Variants in FUT9 observed in about 807,000 individuals in gnomAD.
The protein encoded by FUT9 is fucosyltransferase 9.
A neutral mutation model predicts 29.7 loss-of-function variants in FUT9; 15 were observed. The ratio of observed to expected loss-of-function variants is 0.51; its 90% CI spans 0.34 to 0.78. The LOEUF is 0.78. Ranked by LOEUF, FUT9 falls within the 30% of genes least tolerant of loss-of-function variation. The pLI, the probability that FUT9 is intolerant of heterozygous loss-of-function variation, is 0.01. For synonymous variants in FUT9, 169 were observed against 153.7 expected, an observed-to-expected ratio of 1.10 and a Z score of -0.74; for missense variants, 319 against 425.4, an observed-to-expected ratio of 0.75 and a Z score of 2.20.
At chr6:96,170,435 TAA>T (rs1773090390) in intron 2 of FUT9, among the ~76,000 whole-genome samples, 1 of 152,136 alleles carries the variant, frequency 6.6e-6, no homozygotes, top group African/African-American at 2.4e-5. Context: ...CCCATATTAA[TAA>T]GTTAGGATTA....
At chr6:96,171,840 T>A (rs2127983223) in intron 2 of FUT9, among the ~76,000 whole-genome samples, 1 of 152,250 alleles carries the variant, frequency 6.6e-6, no homozygotes, top group Non-Finnish European at 1.5e-5. Context: ...TCAAGTGTCC[T>A]GAAACACCAT....
chr6:96,071,401 G>T (rs147890316), intron 1 of FUT9, among the ~76,000 whole-genome samples: 445 of 152,238 alleles, frequency 2.9e-3, no homozygotes, highest in African/African-American at 9.1e-3. Flanking sequence ...TGAAAAATAT[G>T]ATGCAAAAAT....
At chr6:96,178,833 C>G (rs1582288558) in intron 2 of FUT9, among the ~76,000 whole-genome samples, 2 of 152,088 alleles carry the variant, frequency 1.3e-5, no homozygotes, top group Admixed American at 1.3e-4. Flanking sequence ...CTTCCCATCT[C>G]CCTTTTGCAC....
chr6:96,062,534 G>A (rs889409943), intron 1 of FUT9, among the ~76,000 whole-genome samples: 2 of 151,802 alleles, frequency 1.3e-5, no homozygotes, highest in Non-Finnish European at 2.9e-5. Context: ...CTAATATTAT[G>A]TTTTTTTCCC....
intron 1 of FUT9, among the ~76,000 whole-genome samples, chr6:96,082,877 C>T (rs1230187307): frequency 6.6e-6 from 1 of 151,840 alleles, no homozygotes; most frequent in African/African-American, 2.4e-5. Flanking sequence ...ATTGGGTTTA[C>T]CTACTTATTT....
At chr6:96,094,853 G>T (rs1349435450) in intron 1 of FUT9, among the ~76,000 whole-genome samples, 1 of 151,908 alleles carries the variant, frequency 6.6e-6, no homozygotes, top group Admixed American at 6.6e-5. Flanking sequence ...CATTGTTGTT[G>T]TTATTTCAAT....
chr6:96,043,389 T>G (rs559198007), intron 1 of FUT9, among the ~76,000 whole-genome samples: 18 of 152,338 alleles, frequency 1.2e-4, no homozygotes, highest in African/African-American at 4.1e-4. Flanking sequence ...TTATACATTA[T>G]TTGATGTCAA....
At chr6:96,143,543 C>T (rs1772505225) in intron 2 of FUT9, among the ~76,000 whole-genome samples, 1 of 151,590 alleles carries the variant, frequency 6.6e-6, no homozygotes, top group African/African-American at 2.4e-5. Flanking sequence ...CTCTCCTTTC[C>T]TCCCATCCCC....
chr6:96,195,342 T>G (rs1446647224), intron 2 of FUT9, among the ~76,000 whole-genome samples: 2 of 152,162 alleles, frequency 1.3e-5, no homozygotes, highest in Non-Finnish European at 2.9e-5. Flanking sequence ...TGGTGGCAAC[T>G]TCCTCAGGGC....
intron 2 of FUT9, among the ~76,000 whole-genome samples, chr6:96,139,035 A>T (rs1454290380): frequency 1.3e-5 from 2 of 152,230 alleles, no homozygotes; most frequent in African/African-American, 2.4e-5. Flanking sequence ...ATAGAAATTA[A>T]CATTACAGGT....
intron 1 of FUT9, among the ~76,000 whole-genome samples, chr6:96,073,473 A>G (rs1221213765): frequency 2.0e-5 from 3 of 152,056 alleles, no homozygotes; most frequent in African/African-American, 7.2e-5. Flanking sequence ...AAAGCATTGA[A>G]AAGATAAAGG....
chr6:96,035,632 T>C (rs1202862538), intron 1 of FUT9, among the ~76,000 whole-genome samples: 1 of 135,376 alleles, frequency 7.4e-6, no homozygotes, highest in Non-Finnish European at 1.6e-5. Context: ...TAAAATATAA[T>C]AAAATATTAT....
At chr6:96,074,628 G>A (rs1297238086) in intron 1 of FUT9, among the ~76,000 whole-genome samples, 1 of 151,944 alleles carries the variant, frequency 6.6e-6, no homozygotes. Context: ...TCAAAAATAA[G>A]GTCATTTAAA....
chr6:96,071,572 A>T (rs1015535057), intron 1 of FUT9, among the ~76,000 whole-genome samples: 8 of 152,164 alleles, frequency 5.3e-5, no homozygotes, highest in Non-Finnish European at 1.2e-4. Context: ...ATGAAGCTTA[A>T]ATGTCGTTTT....
At position 96,211,986 on chromosome 6, in the gene FUT9, T is replaced by C; in HGVS notation, c.*7751T>C. 1 of 410,434 alleles carries C rather than the reference T, an allele frequency of 2.4e-6. No individual in the cohort carries two copies. The highest frequency in any genetic ancestry group is 4.5e-6 in the Non-Finnish European group (1 of 224,402). 25.4% of individuals were successfully genotyped at this position (410,434 alleles called of 1,614,324 possible). On this transcript the variant is annotated 3_prime_UTR_variant, in exon 3 of 3. Transcript: ENST00000302103. ...TTATTGTGGAAAACAAATATAGATT[T>C]TATCTGAAAAATTTTAAGGGCCAAT...
Position 96,205,083 on chromosome 6 carries a change from T to C in FUT9, c.*848T>C, listed in dbSNP as rs545569955. The C allele has an allele frequency of 1.2e-5, 2 of 167,028 alleles. No homozygotes were observed. Among genetic ancestry groups the C allele is most frequent in the South Asian group, 4.1e-4 (2 of 4,830 alleles). 10.3% of individuals were successfully genotyped at this position (167,028 alleles called of 1,614,324 possible). On this transcript the variant is annotated 3_prime_UTR_variant, in exon 3 of 3. Transcript: ENST00000302103. ...AAAATGATACCTATAAATATATTTA[T>C]AAATGGTGTCATTTATGAACAATGT...
At chr6:96,201,554 G>T (rs937674791) in intron 2 of FUT9, among the ~76,000 whole-genome samples, 5 of 151,778 alleles carry the variant, frequency 3.3e-5, no homozygotes, top group Non-Finnish European at 7.4e-5. Flanking sequence ...TCTGAAATGT[G>T]TGCAAAGCTA....
intron 2 of FUT9, among the ~76,000 whole-genome samples, chr6:96,140,230 A>G (rs1772437615): frequency 6.6e-6 from 1 of 152,192 alleles, no homozygotes; most frequent in Non-Finnish European, 1.5e-5. Context: ...ACACCACCGC[A>G]GCCTGGACTT....
At chr6:96,100,871 G>C (rs2127956749) in intron 1 of FUT9, among the ~76,000 whole-genome samples, 1 of 152,166 alleles carries the variant, frequency 6.6e-6, no homozygotes, top group Admixed American at 6.5e-5. Flanking sequence ...GATACTCTTG[G>C]CTGTGACAAT....
Sources: gnomAD v4.1 joint callset for allele counts (sites outside exome capture counted in the v4.1 genomes callset) on GRCh38, gnomAD v4.1.1 for gene constraint, MANE v1.5 for transcripts, NCBI Gene and HGNC (gene_info 2026-07-23, HGNC 2026-07-21) for gene names.